Variants in PLCL1 observed in about 807,000 individuals in gnomAD.
PLCL1 encodes phospholipase C like 1 (inactive), also known as inactive phospholipase C-like protein 1.
In PLCL1, 41 loss-of-function variants were observed where a neutral mutation model predicts 84.4. The ratio of observed to expected loss-of-function variants is 0.49; its 90% CI spans 0.38 to 0.63. PLCL1 has a LOEUF of 0.63. PLCL1 is among the 30% of genes least tolerant of loss of function. The probability of loss-of-function intolerance (pLI) is 0.00; values close to 1 mark genes in which losing one functional copy is unlikely to be tolerated. For synonymous variants in PLCL1, 490 were observed against 488.3 expected (o/e 1.00, Z -0.05); for missense variants, 1,206 against 1,367.8 (o/e 0.88, Z 1.87).
chr2:197,939,076 T>A (rs1381130938), intron 1 of PLCL1, among the ~76,000 whole-genome samples: 1 of 152,200 alleles, frequency 6.6e-6, no homozygotes, highest in East Asian at 1.9e-4. Context: ...GGAGGATCAA[T>A]GGCACTATCT....
chr2:197,834,827 C>T (rs975773936), intron 1 of PLCL1, among the ~76,000 whole-genome samples: 1 of 152,218 alleles, frequency 6.6e-6, no homozygotes, highest in African/African-American at 2.4e-5. Context: ...GTAAATCATT[C>T]TACTGTAAAG....
At chr2:197,983,017 G>A (rs1438509491) in intron 1 of PLCL1, among the ~76,000 whole-genome samples, 1 of 151,836 alleles carries the variant, frequency 6.6e-6, no homozygotes, top group Admixed American at 6.6e-5. Flanking sequence ...GAACAATTTT[G>A]ATAGATTTTA....
At chr2:197,991,961 C>T (rs961803131) in intron 1 of PLCL1, among the ~76,000 whole-genome samples, 13 of 152,202 alleles carry the variant, frequency 8.5e-5, no homozygotes, top group East Asian at 3.9e-4. Flanking sequence ...TCTCCTGGTT[C>T]GTCTCTCCTG....
rs1419008718 is a variant in PLCL1, at chr2:198,085,547, T to C, written c.2030T>C (p.Met677Thr). 1.9e-6 allele frequency: 3 copies of C among 1,613,492 alleles called. No homozygotes were observed. Among genetic ancestry groups the C allele is most frequent in the Non-Finnish European group, 1.7e-6 (2 of 1,179,524 alleles). ...ATGAATTTTCAGACTCCGGGTCCAATGATGGACCTTCACACGGGCTGGTTT... is the reference window on the plus strand; with the variant it reads ...ATGAATTTTCAGACTCCGGGTCCAACGATGGACCTTCACACGGGCTGGTTT... ...VAMNFQTPGP[M>T]MDLHTGWFLQ... The change falls in exon 2 of 6, where the codon ATG (methionine) becomes ACG (threonine). Residue 677 changes from methionine (M) to threonine (T), a missense_variant. Met to Thr is a moderately conservative substitution (Grantham distance 81). Transcript: ENST00000428675. The surrounding 1 kb of genome is among the most constrained non-coding windows in gnomAD (Gnocchi z 5.3).
At chr2:198,043,081 A>G (rs575268164) in intron 1 of PLCL1, among the ~76,000 whole-genome samples, 2 of 152,328 alleles carry the variant, frequency 1.3e-5, no homozygotes, top group African/African-American at 4.8e-5. Context: ...AGGGAGTCCA[A>G]GATGAAAGTG....
intron 1 of PLCL1, among the ~76,000 whole-genome samples, chr2:197,822,443 CTT>C (rs1416926019): frequency 3.9e-5 from 6 of 152,178 alleles, no homozygotes; most frequent in African/African-American, 1.4e-4. Context: ...CATGACAGCT[CTT>C]GACATATTTG....
intron 1 of PLCL1, among the ~76,000 whole-genome samples, chr2:197,938,668 G>C (rs1477395422): frequency 6.6e-6 from 1 of 152,256 alleles, no homozygotes; most frequent in Admixed American, 6.5e-5. Flanking sequence ...CTTTCAAGGG[G>C]AATACCTGGA....
intron 1 of PLCL1, among the ~76,000 whole-genome samples, chr2:197,943,417 T>G (rs1486571880): frequency 6.6e-6 from 1 of 152,076 alleles, no homozygotes; most frequent in Non-Finnish European, 1.5e-5. Flanking sequence ...CCCATTTCAT[T>G]GATTTGTGCC....
chr2:197,890,054 C>G (rs1687986409), intron 1 of PLCL1, among the ~76,000 whole-genome samples: 1 of 152,054 alleles, frequency 6.6e-6, no homozygotes, highest in Non-Finnish European at 1.5e-5. Context: ...TAGAATAAGA[C>G]AGTATTTAAT....
At chr2:197,833,499 T>G (rs1228816312) in intron 1 of PLCL1, among the ~76,000 whole-genome samples, 4 of 152,102 alleles carry the variant, frequency 2.6e-5, no homozygotes, top group African/African-American at 9.7e-5. Context: ...AAAATCAATG[T>G]GCAAAAAATC....
chr2:197,990,795 G>A (rs1160120358), intron 1 of PLCL1, among the ~76,000 whole-genome samples: 1 of 152,102 alleles, frequency 6.6e-6, no homozygotes, highest in East Asian at 1.9e-4. Context: ...CTGATGCAAA[G>A]GTGTACTTTT....
intron 1 of PLCL1, among the ~76,000 whole-genome samples, chr2:197,992,023 T>G (rs1690355367): frequency 1.3e-5 from 2 of 152,080 alleles, no homozygotes; most frequent in Admixed American, 1.3e-4. Flanking sequence ...ATGAGGCCCC[T>G]TGCTTGCTTC....
intron 1 of PLCL1, among the ~76,000 whole-genome samples, chr2:197,977,594 A>C (rs1199722448): frequency 1.3e-5 from 2 of 151,882 alleles, no homozygotes; most frequent in African/African-American, 4.8e-5. Flanking sequence ...TATTGCCCCT[A>C]CCCTAACTTG....
Position 198,141,099 on chromosome 2 carries a change from C to A in PLCL1, c.3106-5681C>A, listed in dbSNP as rs145157318. On this transcript the variant is annotated intron_variant, in intron 5 of 5. Transcript: ENST00000428675. ...TTCAGAAGAATAACAGATAAAGCTT[C>A]ATTCAGCCAAGACTGTTAGAACAGA... is the stretch of plus-strand genomic sequence containing the variant. 3.5e-3 allele frequency among the ~76,000 whole-genome samples: 529 copies of A among 152,216 alleles called. 4 individuals are homozygous for A. Among genetic ancestry groups the A allele is most frequent in the Non-Finnish European group, 5.8e-3 (392 of 67,992 alleles).
At chr2:198,099,714 C>A (rs1693284827) in intron 3 of PLCL1, among the ~76,000 whole-genome samples, 1 of 152,058 alleles carries the variant, frequency 6.6e-6, no homozygotes, top group Non-Finnish European at 1.5e-5. Flanking sequence ...GTTTATTAGA[C>A]AATGGGAAAA....
At chr2:198,128,849 A>G (rs572038651) in intron 5 of PLCL1, among the ~76,000 whole-genome samples, 98 of 152,280 alleles carry the variant, frequency 6.4e-4, no homozygotes, top group African/African-American at 2.3e-3. Flanking sequence ...GGCAAGATGG[A>G]GTCATTTAAG....
intron 2 of PLCL1, among the ~76,000 whole-genome samples, chr2:198,087,980 C>T (rs546716154): frequency 6.6e-6 from 1 of 152,122 alleles, no homozygotes; most frequent in Admixed American, 6.5e-5. Context: ...CCAATATCAG[C>T]ATATTCTATG....
intron 1 of PLCL1, among the ~76,000 whole-genome samples, chr2:198,021,569 C>A (rs1469552663): frequency 1.3e-5 from 2 of 152,158 alleles, no homozygotes; most frequent in South Asian, 4.1e-4. Flanking sequence ...GAGATCACCA[C>A]TGGTCCCACA....
At chr2:198,050,658 G>T (rs1191868192) in intron 1 of PLCL1, among the ~76,000 whole-genome samples, 1 of 152,176 alleles carries the variant, frequency 6.6e-6, no homozygotes, top group Non-Finnish European at 1.5e-5. Flanking sequence ...GGCTTAGGTG[G>T]TGATATTTAA....
Sources: allele counts gnomAD v4.1 joint callset (sites outside exome capture counted in the v4.1 genomes callset), GRCh38; gene constraint gnomAD v4.1.1; non-coding constraint Gnocchi (gnomAD v3.1); transcripts MANE v1.5; gene names NCBI Gene and HGNC (gene_info 2026-07-23, HGNC 2026-07-21).